SYNM: variants seen among roughly 807,000 people sequenced by gnomAD.
SYNM encodes synemin, also known as desmuslin.
SYNM carries 95 observed loss-of-function variants against 104.0 expected under a neutral mutation model. The observed-to-expected ratio is 0.91, with a 90% CI of 0.77 to 1.08. The LOEUF is 1.08. Among genes scored for constraint, SYNM ranks in the 50% least tolerant of loss-of-function variants. The pLI, the probability that SYNM is intolerant of heterozygous loss-of-function variation, is 0.00. For synonymous variants in SYNM, 918 were observed against 869.0 expected (o/e 1.06, Z -0.99); for missense variants, 2,150 against 2,052.2 (o/e 1.05, Z -0.92).
intron 2 of SYNM, among the ~76,000 whole-genome samples, chr15:99,124,321 T>C (rs1555484846): frequency 6.6e-6 from 1 of 152,258 alleles, no homozygotes; most frequent in African/African-American, 2.4e-5. Flanking sequence ...TTTCGCCGTG[T>C]AGTCCTGGGG....
chr15:99,117,462 C>G (rs2067360250), intron 2 of SYNM, among the ~76,000 whole-genome samples: 1 of 152,208 alleles, frequency 6.6e-6, no homozygotes, highest in Admixed American at 6.5e-5. Flanking sequence ...CCAAATCAGG[C>G]ACTGTTCTAG....
Position 99,127,831 on chromosome 15 carries a change from T to A in SYNM, c.1006+1039T>A, listed in dbSNP as rs1225372720. The stretch of plus-strand genomic sequence containing the variant: ...CATTTTTAACCTGTGGATACCTAAG[T>A]TTGGACATCCATCATGTAACCTAGA... On this transcript the variant is annotated intron_variant, in intron 3 of 3. Coordinates refer to ENST00000336292, the MANE Select transcript of SYNM (RefSeq NM_145728.3). Among the ~76,000 whole-genome samples the A allele has an allele frequency of 2.0e-5, 3 of 152,172 alleles. No homozygotes were observed. In the East Asian group the frequency reaches 5.8e-4, roughly 29 times the overall value.
At chr15:99,141,378 A>G in the SYNM span, among the ~76,000 whole-genome samples, 2 of 152,198 alleles carry the variant, frequency 1.3e-5, no homozygotes, top group African/African-American at 4.8e-5. Flanking sequence ...AAACAAAACC[A>G]TAGTAAAATA....
rs1555486291 is a variant in SYNM, at chr15:99,133,067, A to C, written c.*9A>C. 2.5e-6 allele frequency: 4 copies of C among 1,611,826 alleles called. No individual in the cohort carries two copies. Among genetic ancestry groups the C allele is most frequent in the Non-Finnish European group, 3.4e-6 (4 of 1,179,828 alleles). ...ATGGGCATTGGTTTTAATAAGCAGA[A>C]ACATTTTGTTTTAATGGCAGCCTGT... is the stretch of plus-strand genomic sequence containing the variant. On this transcript the variant is annotated 3_prime_UTR_variant, in exon 4 of 4. Transcript: ENST00000336292.
At chr15:99,115,738 A>G (rs1418191411) in intron 2 of SYNM, among the ~76,000 whole-genome samples, 1 of 152,180 alleles carries the variant, frequency 6.6e-6, no homozygotes, top group East Asian at 1.9e-4. Context: ...CTGAGATTAC[A>G]GGTGTGAGCC....
Position 99,129,700 on chromosome 15 carries a change from A to G in SYNM, c.1340A>G (p.Asp447Gly). The G allele has an allele frequency of 6.2e-7, 1 of 1,613,902 alleles. No individual in the cohort carries two copies. Among genetic ancestry groups the G allele is most frequent in the Non-Finnish European group, 8.5e-7 (1 of 1,179,902 alleles). ...GAGGCTCAAGTGAAAACATTCCCTG[A>G]CAGACCAAAAGCCGGAGATACAAGG... ...NTEAQVKTFP[D>G]RPKAGDTREV... Residue 447 changes from aspartate to glycine, a missense_variant, in exon 4 of 4, where the codon GAC (aspartate) becomes GGC (glycine). By Grantham distance (94) the Asp-to-Gly change is moderately conservative. Transcript: ENST00000336292.
chr15:99,107,107 T>C (rs1226879482), intron 1 of SYNM, among the ~76,000 whole-genome samples: 2 of 152,380 alleles, frequency 1.3e-5, no homozygotes, highest in Non-Finnish European at 2.9e-5. Flanking sequence ...ACAGGCTAGA[T>C]GGGAAATCAT....
the SYNM span, chr15:99,141,052 T>C: frequency 7.2e-5 from 11 of 152,276 alleles, no homozygotes; most frequent in African/African-American, 2.6e-4. Flanking sequence ...AGGTACCATT[T>C]CACCCACCAG....
rs540884404 is a variant in SYNM, at chr15:99,108,519, A to G, written c.810+2510A>G. ...GTAGAAGCTTACTATGGGGAGAGTG[A>G]AAAAATCCTAAAAATGGGTTGAATT... On this transcript the variant is annotated intron_variant, in intron 1 of 3. Coordinates refer to ENST00000336292, the MANE Select transcript of SYNM (RefSeq NM_145728.3). 2.0e-5 allele frequency among the ~76,000 whole-genome samples: 3 copies of G among 152,310 alleles called. 1 individual carries two copies. In the South Asian group the frequency reaches 6.2e-4, roughly 32 times the overall value.
chr15:99,126,700 T>G (rs1555485049), intron 2 of SYNM, 22 bp from the exon 3 acceptor site: 1 of 1,560,126 alleles, frequency 6.4e-7, no homozygotes, highest in Non-Finnish European at 8.7e-7. Flanking sequence ...TAATGAATTA[T>G]GTTTGTAAAT....
chr15:99,130,720 A>G lies in SYNM; in HGVS notation c.2360A>G (p.Glu787Gly). ...SPGPWGLVKE[E>G]EGYGESDVTF... ...GGCCCCTGGGGGTTGGTTAAGGAGG[A>G]GGAAGGTTATGGAGAAAGCGATGTC... The change falls in exon 4 of 4, where the codon GAG (glutamate) becomes GGG (glycine). Residue 787 changes from glutamate (E) to glycine (G), a missense_variant. Transcript: ENST00000336292. The G allele has an allele frequency of 6.2e-7, 1 of 1,613,794 alleles. No homozygotes were observed. The highest frequency in any genetic ancestry group is 1.6e-4 in the Middle Eastern group (1 of 6,062).
Position 99,131,378 on chromosome 15 carries a change from A to T in SYNM, c.3018A>T (p.Ser1006=). ...CCCTGGTTGCTGAAGTCAACGTCTC[A>T]CAAACTGTGGATGCCGATCGGTTAG... ...SVTLVAEVNV[S]QTVDADRLDL... is the part of the protein sequence containing the mutation. The change falls in exon 4 of 4, where the codon TCA becomes TCT. Residue 1006 remains serine (S), a synonymous_variant. Transcript: ENST00000336292. This position sits in a 1 kb window ranked among gnomAD's most constrained non-coding sequence, Gnocchi z 4.3. 6.2e-7 allele frequency: 1 copy of T among 1,613,188 alleles called. No homozygotes were observed. The highest frequency in any genetic ancestry group is 8.5e-7 in the Non-Finnish European group (1 of 1,179,604).
chr15:99,132,498 C>A lies in SYNM; in HGVS notation c.4138C>A (p.Pro1380Thr), dbSNP rs201686321. The stretch of plus-strand genomic sequence containing the variant: ...CTTCCAAAGTGTCGTTTCTGAATCT[C>A]CCCAGGAGGATAGTGCAGAGGACAC... ...STFQSVVSES[P>T]QEDSAEDTSG... Residue 1380 changes from proline (P) to threonine (T), a missense_variant, in exon 4 of 4, where the codon CCC becomes ACC. Coordinates refer to ENST00000336292, the MANE Select transcript of SYNM (RefSeq NM_145728.3). The A allele has an allele frequency of 3.8e-5, 62 of 1,613,874 alleles. No individual in the cohort carries two copies. In the Middle Eastern group the frequency reaches 4.9e-4, roughly 13 times the overall value.
chr15:99,134,538 C>T lies in SYNM; in HGVS notation c.*1480C>T, dbSNP rs2067545581. On this transcript the variant is annotated 3_prime_UTR_variant, in exon 4 of 4. Transcript: ENST00000336292. ...CTCAGCTGTATTTCCAGTAACACAG[C>T]ATCATCGCACTGACTGTGGCGCACT... 6.6e-6 allele frequency: 1 copy of T among 152,184 alleles called. No homozygotes were observed. The highest frequency in any genetic ancestry group is 6.5e-5 in the Admixed American group (1 of 15,286). The allele number at this position is 152,184 out of a possible 1,614,324, so 9.4% of individuals were successfully genotyped here.
chr15:99,131,426 T>A lies in SYNM; in HGVS notation c.3066T>A (p.Asp1022Glu). 6.2e-7 allele frequency: 1 copy of A among 1,610,252 alleles called. No homozygotes were observed. Among genetic ancestry groups the A allele is most frequent in the Non-Finnish European group, 8.5e-7 (1 of 1,179,236 alleles). ...DRLDLEELSK[D>E]EASEMEKAVE... ...TAGACCTGGAGGAGCTGAGCAAAGATGAGGCCAGTGAGATGGAGAAGGCTG... is the reference window on the plus strand; with the variant it reads ...TAGACCTGGAGGAGCTGAGCAAAGAAGAGGCCAGTGAGATGGAGAAGGCTG... Residue 1022 changes from aspartate (D) to glutamate (E), a missense_variant, in exon 4 of 4, where the codon GAT becomes GAA. Transcript: ENST00000336292. The surrounding 1 kb of genome is among the most constrained non-coding windows in gnomAD (Gnocchi z 4.3).
intron 2 of SYNM, among the ~76,000 whole-genome samples, chr15:99,124,861 G>C (rs1313267714): frequency 1.3e-5 from 2 of 152,200 alleles, no homozygotes; most frequent in African/African-American, 4.8e-5. Context: ...CACAATGCCT[G>C]GTGCTCAGTG....
chr15:99,116,236 T>C (rs1486036605), intron 2 of SYNM, among the ~76,000 whole-genome samples: 2 of 152,190 alleles, frequency 1.3e-5, no homozygotes, highest in Admixed American at 1.3e-4. Context: ...TCTTGTGGGG[T>C]GAACAGTTGC....
chr15:99,141,070 A>C, the SYNM span: 11 of 152,350 alleles, frequency 7.2e-5, no homozygotes, highest in African/African-American at 2.6e-4. Context: ...CAGACTGCAA[A>C]AACTACCAAG....
chr15:99,133,232 A>G lies in SYNM; in HGVS notation c.*174A>G, dbSNP rs2067532553. ...TTATAGTTAATCCGTAAAGGTTTCCAGTTAATTCATGCCTTAAAAGGCACT... is the reference window on the plus strand; with the variant it reads ...TTATAGTTAATCCGTAAAGGTTTCCGGTTAATTCATGCCTTAAAAGGCACT... On this transcript the variant is annotated 3_prime_UTR_variant, in exon 4 of 4. Transcript: ENST00000336292. 1 of 1,350,942 alleles carries G rather than the reference A, an allele frequency of 7.4e-7. No homozygotes were observed. Among genetic ancestry groups the G allele is most frequent in the African/African-American group, 1.5e-5 (1 of 68,138 alleles). 83.7% of individuals were successfully genotyped at this position (1,350,942 alleles called of 1,614,324 possible).
Sources: allele counts gnomAD v4.1 joint callset (sites outside exome capture counted in the v4.1 genomes callset), GRCh38; gene constraint gnomAD v4.1.1; non-coding constraint Gnocchi (gnomAD v3.1); transcripts MANE v1.5; gene names NCBI Gene and HGNC (gene_info 2026-07-23, HGNC 2026-07-21).